The following RANBP2 variants were observed in gnomAD, a reference collection of about 807,000 sequenced individuals.
RANBP2 encodes the protein E3 SUMO-protein ligase RanBP2.
A neutral mutation model predicts 303.6 loss-of-function variants in RANBP2; 57 were observed. The ratio of observed to expected loss-of-function variants is 0.19; its 90% CI spans 0.15 to 0.23. The LOEUF (loss-of-function observed/expected upper bound fraction) is 0.23. RANBP2 is among the 10% of genes least tolerant of loss of function. The pLI, the probability that RANBP2 is intolerant of heterozygous loss-of-function variation, is 1.00. For missense variants in RANBP2, 3,138 were observed against 3,780.8 expected, an observed-to-expected ratio of 0.83 and a Z score of 4.46; for synonymous variants, 1,167 against 1,301.5, an observed-to-expected ratio of 0.90 and a Z score of 2.23.
the RANBP2 span, among the ~76,000 whole-genome samples, chr2:109,240,301 A>G: frequency 6.6e-6 from 1 of 152,140 alleles, no homozygotes; most frequent in Non-Finnish European, 1.5e-5. Flanking sequence ...GGAGTCCAAC[A>G]TGGTTGAAAC....
At chr2:108,793,991 T>C in the RANBP2 span, among the ~76,000 whole-genome samples, 1 of 152,068 alleles carries the variant, frequency 6.6e-6, no homozygotes, top group African/African-American at 2.4e-5. Context: ...TTTCCACCTA[T>C]AGGAGGATGC....
In RANBP2 at chr2:108,722,060, TAAAAA is replaced by T. The variant is rs945739734; in HGVS notation, c.72+2392_72+2396del. 2.9e-5 allele frequency among the ~76,000 whole-genome samples: 4 copies of T among 135,944 alleles called. No homozygotes were observed. In the East Asian group the frequency reaches 6.3e-4, roughly 22 times the overall value. The allele number at this position is 135,944 out of a possible 152,430, so 89.2% of individuals were successfully genotyped here. ...TGATTTTTTTTTTTTTAAACAAGCT[TAAAAA>T]AAAAAAAAAGCAAGCTTAGAGCCTT... On this transcript the variant is annotated intron_variant, in intron 1 of 28. Coordinates refer to ENST00000283195, the MANE Select transcript of RANBP2 (RefSeq NM_006267.5).
At chr2:109,138,078 C>T in the RANBP2 span, among the ~76,000 whole-genome samples, 2 of 152,216 alleles carry the variant, frequency 1.3e-5, no homozygotes, top group Non-Finnish European at 1.5e-5. Flanking sequence ...TGCAGTGGCA[C>T]GATCTCGACT....
the RANBP2 span, among the ~76,000 whole-genome samples, chr2:109,144,977 C>T: frequency 2.0e-5 from 3 of 152,226 alleles, no homozygotes; most frequent in African/African-American, 7.2e-5. Flanking sequence ...CGGGCTCACA[C>T]CCGGCTCCTG....
the RANBP2 span, among the ~76,000 whole-genome samples, chr2:108,936,106 C>T: frequency 6.6e-6 from 1 of 152,262 alleles, no homozygotes; most frequent in Non-Finnish European, 1.5e-5. Flanking sequence ...ACTTCCCATT[C>T]TTCCACCCAG....
chr2:108,753,772 A>C (rs556725252), intron 14 of RANBP2, 53 bp from the exon 15 acceptor site: 1 of 1,611,566 alleles, frequency 6.2e-7, no homozygotes, highest in Non-Finnish European at 8.5e-7. Flanking sequence ...GGCCAAGCTA[A>C]AAGTTTTTTG....
In RANBP2 at chr2:108,735,978, C is replaced by T. The variant is rs116063862; in HGVS notation, c.637-126C>T. The stretch of plus-strand genomic sequence containing the variant: ...ATATATTTTTGGTGTTTTATAAGGT[C>T]GATATAAAAATCAATATAGTTTCAC... On this transcript the variant is annotated intron_variant, in intron 5 of 28. Coordinates refer to ENST00000283195, the MANE Select transcript of RANBP2 (RefSeq NM_006267.5). 3.9e-3 allele frequency: 6,204 copies of T among 1,593,412 alleles called. 220 individuals carry two copies. The African/African-American group carries it at 0.074, about 19-fold the overall frequency.
At chr2:109,713,001 G>A in the RANBP2 span, among the ~76,000 whole-genome samples, 1 of 152,108 alleles carries the variant, frequency 6.6e-6, no homozygotes, top group Non-Finnish European at 1.5e-5. Context: ...ACTTCTGTTT[G>A]ACGGAATATG....
At chr2:109,653,266 G>A in the RANBP2 span, among the ~76,000 whole-genome samples, 5 of 152,134 alleles carry the variant, frequency 3.3e-5, 1 homozygote, top group Admixed American at 2.6e-4. Flanking sequence ...GTGGTGGTGG[G>A]CACCTGTAAT....
At chr2:108,799,081 C>G in the RANBP2 span, among the ~76,000 whole-genome samples, 11 of 152,184 alleles carry the variant, frequency 7.2e-5, no homozygotes, top group Non-Finnish European at 1.2e-4. Context: ...GATCAAGCAA[C>G]TAGACAAGAT....
At chr2:108,921,046 T>C in the RANBP2 span, among the ~76,000 whole-genome samples, 1 of 151,722 alleles carries the variant, frequency 6.6e-6, no homozygotes, top group Admixed American at 6.6e-5. Flanking sequence ...GAATCGGGGG[T>C]GGGCCAAGCA....
chr2:108,954,497 A>C, the RANBP2 span, among the ~76,000 whole-genome samples: 1 of 152,034 alleles, frequency 6.6e-6, no homozygotes, highest in South Asian at 2.1e-4. Flanking sequence ...AAGGCTCCCC[A>C]CCCACTCTCC....
the RANBP2 span, chr2:109,432,746 G>A: frequency 2.0e-6 from 3 of 1,515,862 alleles, no homozygotes; most frequent in Non-Finnish European, 2.7e-6. Flanking sequence ...TGTTACTGCT[G>A]GAGGCTACTC....
the RANBP2 span, among the ~76,000 whole-genome samples, chr2:109,427,702 A>G: frequency 6.6e-6 from 1 of 151,986 alleles, no homozygotes; most frequent in Non-Finnish European, 1.5e-5. Flanking sequence ...CCTTCCATGA[A>G]CTCTGTGACA....
At chr2:108,944,636 G>C in the RANBP2 span, among the ~76,000 whole-genome samples, 2 of 152,146 alleles carry the variant, frequency 1.3e-5, no homozygotes, top group Non-Finnish European at 2.9e-5. Context: ...CTAAGTGCCA[G>C]GGTGGGGGAT....
chr2:109,564,414 A>G, the RANBP2 span: 40 of 1,593,622 alleles, frequency 2.5e-5, no homozygotes, highest in Admixed American at 5.1e-5. Context: ...CATTTCCTCC[A>G]GTTTGCAGCG....
At chr2:109,290,675 AG>A in the RANBP2 span, among the ~76,000 whole-genome samples, 1 of 152,152 alleles carries the variant, frequency 6.6e-6, no homozygotes, top group Non-Finnish European at 1.5e-5. Flanking sequence ...GGTCTTTGGG[AG>A]CAAGGATGCA....
the RANBP2 span, among the ~76,000 whole-genome samples, chr2:109,570,008 C>T: frequency 6.6e-6 from 1 of 151,750 alleles, no homozygotes; most frequent in Non-Finnish European, 1.5e-5. Flanking sequence ...AATTTCCCTA[C>T]ACCTGCCAAC....
the RANBP2 span, chr2:109,501,993 G>A: frequency 2.7e-5 from 8 of 291,574 alleles, no homozygotes; most frequent in South Asian, 1.8e-4. Context: ...CCATGGCAGC[G>A]TTCTCATTTA....
Sources: gnomAD v4.1 joint callset for allele counts (sites outside exome capture counted in the v4.1 genomes callset) on GRCh38, gnomAD v4.1.1 for gene constraint, MANE v1.5 for transcripts, NCBI Gene and HGNC (gene_info 2026-07-23, HGNC 2026-07-21) for gene names.